SRPK2: variants seen among roughly 807,000 people sequenced by gnomAD.
SRPK2 encodes the protein SRSF protein kinase 2.
SRPK2 carries 21 observed loss-of-function variants against 90.8 expected under a neutral mutation model. The ratio of observed to expected loss-of-function variants is 0.23; its 90% confidence interval spans 0.16 to 0.33. The LOEUF (loss-of-function observed/expected upper bound fraction) is 0.33, where lower values mean the gene tolerates loss of function less well. SRPK2 is among the 10% of genes least tolerant of loss of function. The pLI, the probability that SRPK2 is intolerant of heterozygous loss-of-function variation, is 1.00. For missense variants in SRPK2, 620 were observed against 869.0 expected (o/e 0.71, Z 3.60); for synonymous variants, 288 against 311.1 (o/e 0.93, Z 0.78).
chr7:105,159,858 T>C (rs1028844200), intron 7 of SRPK2, among the ~76,000 whole-genome samples: 4 of 152,202 alleles, frequency 2.6e-5, no homozygotes, highest in Non-Finnish European at 4.4e-5. Context: ...CAATAAAAAC[T>C]GAATATATTA....
chr7:105,219,431 T>C (rs993140098), intron 2 of SRPK2, among the ~76,000 whole-genome samples: 1 of 152,184 alleles, frequency 6.6e-6, no homozygotes, highest in East Asian at 1.9e-4. Flanking sequence ...TGTATCATTA[T>C]AACAGAATTA....
chr7:105,354,494 T>C (rs1817567462), intron 2 of SRPK2, among the ~76,000 whole-genome samples: 1 of 152,108 alleles, frequency 6.6e-6, no homozygotes, highest in South Asian at 2.1e-4. Context: ...TAGGTAAGCA[T>C]TACGATCCAA....
chr7:105,160,528 A>G lies in SRPK2; in HGVS notation c.600T>C (p.Cys200=), dbSNP rs1807458837. 1.9e-6 allele frequency: 3 copies of G among 1,613,230 alleles called. No homozygotes were observed. The highest frequency in any genetic ancestry group is 2.5e-6 in the Non-Finnish European group (3 of 1,179,278). Reference sequence around the variant, plus strand: ...TCACCTGTCGAATGATACTCTTCACACAACGTACTGGGAGGCCTTGATAGT... The same window carrying G: ...TCACCTGTCGAATGATACTCTTCACGCAACGTACTGGGAGGCCTTGATAGT... ...KSNYQGLPVR[C]VKSIIRQVLQ... is the part of the protein sequence containing the mutation. Residue 200 remains cysteine, a synonymous_variant, in exon 7 of 16, where the codon TGT becomes TGC. Transcript: ENST00000393651.
intron 2 of SRPK2, among the ~76,000 whole-genome samples, chr7:105,359,825 G>A (rs145421871): frequency 2.0e-5 from 3 of 152,134 alleles, no homozygotes; most frequent in African/African-American, 4.8e-5. Context: ...GAATAAGTGC[G>A]ATGTGGTGCT....
upstream of SRPK2, among the ~76,000 whole-genome samples, chr7:105,393,672 A>G (rs560961054): frequency 6.6e-6 from 1 of 151,964 alleles, no homozygotes; most frequent in South Asian, 2.1e-4. Flanking sequence ...TTATTGAGAT[A>G]TAACACATAC....
intron 2 of SRPK2, chr7:105,244,917 G>A (rs1186674263): frequency 1.3e-6 from 2 of 1,486,242 alleles, no homozygotes; most frequent in African/African-American, 1.4e-5. Context: ...GAAGCGGGAG[G>A]AGCAAAGCAA....
chr7:105,229,936 A>G (rs1799221457), intron 2 of SRPK2, among the ~76,000 whole-genome samples: 1 of 152,218 alleles, frequency 6.6e-6, no homozygotes, highest in Admixed American at 6.5e-5. Context: ...TTTGATGGAA[A>G]TGAGGAGGAC....
chr7:105,319,673 T>G (rs903330226), intron 2 of SRPK2, among the ~76,000 whole-genome samples: 4 of 152,062 alleles, frequency 2.6e-5, no homozygotes, highest in African/African-American at 9.7e-5. Flanking sequence ...TAGACAAGAT[T>G]GAAAAACGTA....
intron 6 of SRPK2, among the ~76,000 whole-genome samples, chr7:105,163,160 A>G (rs1273053843): frequency 1.3e-5 from 2 of 152,250 alleles, no homozygotes; most frequent in Non-Finnish European, 2.9e-5. Context: ...CACTATGCAT[A>G]GATTTCAAAA....
intron 2 of SRPK2, among the ~76,000 whole-genome samples, chr7:105,235,117 T>C (rs1009419092): frequency 1.3e-5 from 2 of 152,254 alleles, no homozygotes; most frequent in Non-Finnish European, 2.9e-5. Context: ...TAGATACCTC[T>C]GTGGGAGACC....
At chr7:105,130,734 C>T (rs1427693988) in intron 13 of SRPK2, among the ~76,000 whole-genome samples, 2 of 148,796 alleles carry the variant, frequency 1.3e-5, no homozygotes, top group Admixed American at 6.7e-5. Context: ...CTAGGAGGAA[C>T]AAAAGAAACC....
At chr7:105,175,811 A>G (rs1031531521) in intron 3 of SRPK2, among the ~76,000 whole-genome samples, 26 of 152,062 alleles carry the variant, frequency 1.7e-4, no homozygotes, top group African/African-American at 6.3e-4. Flanking sequence ...TCAAGGTCCA[A>G]ACAGAAAAAA....
At chr7:105,121,041 C>A (rs1192887321) in intron 15 of SRPK2, among the ~76,000 whole-genome samples, 3 of 152,076 alleles carry the variant, frequency 2.0e-5, no homozygotes, top group African/African-American at 7.2e-5. Flanking sequence ...AAAGTAGCAC[C>A]CTAACAAGTT....
intron 2 of SRPK2, among the ~76,000 whole-genome samples, chr7:105,361,242 C>T (rs916745339): frequency 6.6e-6 from 1 of 151,978 alleles, no homozygotes; most frequent in Non-Finnish European, 1.5e-5. Context: ...AAAGAGAATA[C>T]AATACCTAGG....
rs1204983342 is a variant in SRPK2 at position 105,142,084 on chromosome 7, A to G, written c.1467T>C (p.Thr489=). 3.1e-6 allele frequency: 5 copies of G among 1,614,154 alleles called. No individual in the cohort carries two copies. The highest frequency in any genetic ancestry group is 1.7e-5 in the Admixed American group (1 of 60,026). ...GGGATGGACTGCTCTCCTCTTGCTC[A>G]GTAAGTGGTGATCCCTCAGAAAGCA... ...GSVLSEGSPL[T]EQEESSPSHD... The change falls in exon 11 of 16, where the codon ACT becomes ACC. Residue 489 remains threonine (T), a synonymous_variant. Coordinates refer to ENST00000393651, the MANE Select transcript of SRPK2 (RefSeq NM_182692.3).
chr7:105,283,249 A>G (rs1457663941), intron 2 of SRPK2, among the ~76,000 whole-genome samples: 5 of 152,214 alleles, frequency 3.3e-5, no homozygotes, highest in African/African-American at 4.8e-5. Flanking sequence ...CAAGAGTTAC[A>G]GAGTTACCAT....
At chr7:105,398,381 C>CTTTTT (rs1183621196) in intron 1 of SRPK2, among the ~76,000 whole-genome samples, 2 of 135,088 alleles carry the variant, frequency 1.5e-5, no homozygotes, top group Admixed American at 7.6e-5. Context: ...ACCCAGCCTC[C>CTTTTT]TTTTTTTTTT....
chr7:105,135,082 G>C lies in SRPK2; in HGVS notation c.1544-1978C>G, dbSNP rs73404066. On this transcript the variant is annotated intron_variant, in intron 11 of 15. Coordinates refer to ENST00000393651, the MANE Select transcript of SRPK2 (RefSeq NM_182692.3). The stretch of plus-strand genomic sequence containing the variant: ...TAAATATAAAAATGCTGACCCAATG[G>C]GTAGATGAACAACACTAGACATGAC... Among the ~76,000 whole-genome samples, 491 of 152,178 alleles carry C rather than the reference G, an allele frequency of 3.2e-3. 3 individuals are homozygous for C. The highest frequency in any genetic ancestry group is 0.011 in the African/African-American group (473 of 41,500).
At chr7:105,144,819 A>C (rs954128584) in intron 9 of SRPK2, among the ~76,000 whole-genome samples, 5 of 152,172 alleles carry the variant, frequency 3.3e-5, no homozygotes, top group Admixed American at 1.3e-4. Flanking sequence ...AAAACTTAAC[A>C]AGACAGGCTG....
Sources: allele counts gnomAD v4.1 joint callset (sites outside exome capture counted in the v4.1 genomes callset), GRCh38; gene constraint gnomAD v4.1.1; transcripts MANE v1.5; gene names NCBI Gene and HGNC (gene_info 2026-07-23, HGNC 2026-07-21).